MAP3K6: variants seen among roughly 807,000 people sequenced by gnomAD.
The protein encoded by MAP3K6 is mitogen-activated protein kinase kinase kinase 6, also known as apoptosis signal-regulating kinase 2.
MAP3K6 carries 105 observed loss-of-function variants against 147.1 expected under a neutral mutation model. That is an observed-to-expected ratio of 0.71 (90% CI 0.61 to 0.84). The LOEUF (loss-of-function observed/expected upper bound fraction) is 0.84. Among genes scored for constraint, MAP3K6 ranks in the 40% least tolerant of loss-of-function variants. The probability of loss-of-function intolerance (pLI) is 0.00; values close to 1 mark genes in which losing one functional copy is unlikely to be tolerated. For missense variants in MAP3K6, 1,569 were observed against 1,715.0 expected (o/e 0.91, Z 1.50); for synonymous variants, 695 against 732.4 (o/e 0.95, Z 0.82).
In MAP3K6 at chr1:27,359,825, A is replaced by T; in HGVS notation, c.2319+33T>A. The stretch of plus-strand genomic sequence containing the variant: ...CCATGTTTCCTTCCCCGCCACCCTC[A>T]GCAGATGAGGGCGGGCCAGCCCCAG... On this transcript the variant is annotated intron_variant, in intron 17 of 28. Transcript: ENST00000357582. This position sits in a 1 kb window ranked among gnomAD's most constrained non-coding sequence, Gnocchi z 4.4. 6.2e-7 allele frequency: 1 copy of T among 1,612,318 alleles called. No homozygotes were observed.
Position 27,356,402 on chromosome 1 carries a change from G to T in MAP3K6, c.3623C>A (p.Ala1208Asp). The change falls in exon 26 of 29, where the codon GCC becomes GAC. Residue 1208 changes from alanine (A) to aspartate (D), a missense_variant. Ala to Asp is a moderately radical substitution (Grantham distance 126). Coordinates refer to ENST00000357582, the MANE Select transcript of MAP3K6 (RefSeq NM_004672.5). ...LNEEARTYVL[A>D]PEPPTALSTD... ...GGCCCACTCACTTGGAGGCTCTGGGGCCAGGACATAGGTCCGGGCTTCCTC... is the reference window on the plus strand; with the variant it reads ...GGCCCACTCACTTGGAGGCTCTGGGTCCAGGACATAGGTCCGGGCTTCCTC... 2 of 1,610,298 alleles carry T rather than the reference G, an allele frequency of 1.2e-6. No homozygotes were observed. The highest frequency in any genetic ancestry group is 1.7e-6 in the Non-Finnish European group (2 of 1,178,360).
Position 27,362,135 on chromosome 1 carries a change from C to T in MAP3K6, c.1371G>A (p.Val457=). The T allele has an allele frequency of 6.2e-7, 1 of 1,613,700 alleles. No homozygotes were observed. The highest frequency in any genetic ancestry group is 8.5e-7 in the Non-Finnish European group (1 of 1,179,948). The change falls in exon 9 of 29, where the codon GTG becomes GTA. Residue 457 remains valine (V), a synonymous_variant. Coordinates refer to ENST00000357582, the MANE Select transcript of MAP3K6 (RefSeq NM_004672.5). ...TATACAGCTGCTCTGCAGCCAGCAC[C>T]ACCTGGGTGGGGTCATTGGCGAGGA... ...AQILANDPTQ[V]VLAAEQLYKL...
rs1209897668 is a variant in MAP3K6 at position 27,360,671 on chromosome 1, C to T, written c.2054+34G>A. 1 of 1,593,866 alleles carries T rather than the reference C, an allele frequency of 6.3e-7. No individual in the cohort carries two copies. The highest frequency in any genetic ancestry group is 8.5e-7 in the Non-Finnish European group (1 of 1,170,284). ...GCCCGGCTCACTCGGCCCTCGCGAGCCCTCAGCCCCACCCGCGCTGCCACG... is the reference window on the plus strand; with the variant it reads ...GCCCGGCTCACTCGGCCCTCGCGAGTCCTCAGCCCCACCCGCGCTGCCACG... On this transcript the variant is annotated intron_variant, in intron 15 of 28. Coordinates refer to ENST00000357582, the MANE Select transcript of MAP3K6 (RefSeq NM_004672.5). The surrounding 1 kb of genome is among the most constrained non-coding windows in gnomAD (Gnocchi z 4.5).
Position 27,359,605 on chromosome 1 carries a change from G to A in MAP3K6, c.2320-83C>T. The A allele has an allele frequency of 6.3e-7, 1 of 1,583,426 alleles. No individual in the cohort carries two copies. ...TCTTTCTGGGATCCCATCTCCTGGA[G>A]ATCCCAGCCTGGTCCTGCCTCTGTC... On this transcript the variant is annotated intron_variant, in intron 17 of 28. Transcript: ENST00000357582. This position sits in a 1 kb window ranked among gnomAD's most constrained non-coding sequence, Gnocchi z 4.4.
chr1:27,362,520 G>A (rs2015816418), intron 8 of MAP3K6, 121 bp downstream of exon 8: 1 of 847,398 alleles, frequency 1.2e-6, no homozygotes, highest in Non-Finnish European at 1.8e-6. Flanking sequence ...GGTATGGGCA[G>A]GACAGTCCAA....
At position 27,361,522 on chromosome 1, in the gene MAP3K6, G is replaced by A; in HGVS notation, c.1684C>T (p.Gln562Ter). 1 of 1,614,120 alleles carries A rather than the reference G, an allele frequency of 6.2e-7. No individual in the cohort carries two copies. Among genetic ancestry groups the A allele is most frequent in the Non-Finnish European group, 8.5e-7 (1 of 1,179,986 alleles). The change falls in exon 11 of 29, where the codon CAG becomes TAG. Residue 562 changes from glutamine to a stop codon, truncating the protein, a stop_gained and splice_region_variant. Coordinates refer to ENST00000357582, the MANE Select transcript of MAP3K6 (RefSeq NM_004672.5). LOFTEE classifies it high-confidence loss of function. ...VTLSLLEPET[Q>*]DIPSSWTFPV... ...AGGGGCCTCAGCAGCGACTTCACCT[G>A]GGTCTCAGGCTCCAGCAGGCTCAGG...
In MAP3K6 at chr1:27,366,496, G is replaced by A; in HGVS notation, c.102C>T (p.Pro34=). 8.9e-7 allele frequency: 1 copy of A among 1,127,336 alleles called. No homozygotes were observed. The highest frequency in any genetic ancestry group is 1.1e-6 in the Non-Finnish European group (1 of 922,050). The allele number at this position is 1,127,336 out of a possible 1,614,324, so 69.8% of individuals were successfully genotyped here. A position where few individuals can be genotyped will look rare whatever the true frequency, so the allele number is the denominator to read the frequency against. The part of the protein sequence containing the change: ...ALSRGRQLAA[P]PGRGCARSRP... ...GGCTCCGCGCGCAGCCCCGGCCCGG[G>A]GGCGCCGCGAGCTGCCGGCCCCGGC... Residue 34 remains proline (P), a synonymous_variant, in exon 1 of 29, where the codon CCC becomes CCT. Coordinates refer to ENST00000357582, the MANE Select transcript of MAP3K6 (RefSeq NM_004672.5). The surrounding 1 kb of genome is among the most constrained non-coding windows in gnomAD (Gnocchi z 5.5).
chr1:27,360,558 G>T lies in MAP3K6; in HGVS notation c.2054+147C>A. 2.9e-6 allele frequency: 4 copies of T among 1,386,874 alleles called. No individual in the cohort carries two copies. The highest frequency in any genetic ancestry group is 3.8e-6 in the Non-Finnish European group (4 of 1,047,298). 85.9% of individuals were successfully genotyped at this position (1,386,874 alleles called of 1,614,324 possible). Reference sequence around the variant, plus strand: ...CCGCCCGCACGGTCCTGGCTGTTCCGCCCACGGGCCCAGTCCACAGGGCTC... The same window carrying T: ...CCGCCCGCACGGTCCTGGCTGTTCCTCCCACGGGCCCAGTCCACAGGGCTC... On this transcript the variant is annotated intron_variant, in intron 15 of 28. Transcript: ENST00000357582. The surrounding 1 kb of genome is among the most constrained non-coding windows in gnomAD (Gnocchi z 4.5).
At chr1:27,363,412 C>T in intron 6 of MAP3K6, 30 bp downstream of exon 6, 1 of 1,579,772 alleles carries the variant, frequency 6.3e-7, no homozygotes, top group Non-Finnish European at 8.6e-7. Context: ...CTTTATGTGG[C>T]TATGACCTAA....
At position 27,358,574 on chromosome 1, in the gene MAP3K6, G is replaced by T; in HGVS notation, c.2621C>A (p.Ser874Tyr). ...AAAGGCTTGGGCCTCGGCCGACAGAGAGCTGGGCATTGGCGGATGGACCTT... is the reference window on the plus strand; with the variant it reads ...AAAGGCTTGGGCCTCGGCCGACAGATAGCTGGGCATTGGCGGATGGACCTT... ...MYKVHPPMPS[S>Y]LSAEAQAFLL... The change falls in exon 20 of 29, where the codon TCT becomes TAT. Residue 874 changes from serine to tyrosine, a missense_variant. Transcript: ENST00000357582. The surrounding 1 kb of genome is among the most constrained non-coding windows in gnomAD (Gnocchi z 6.2). 6.2e-7 allele frequency: 1 copy of T among 1,613,468 alleles called. No individual in the cohort carries two copies. Among genetic ancestry groups the T allele is most frequent in the Non-Finnish European group, 8.5e-7 (1 of 1,179,808 alleles).
Position 27,360,682 on chromosome 1 carries a change from A to T in MAP3K6, c.2054+23T>A, listed in dbSNP as rs536677922. ...TCGGCCCTCGCGAGCCCTCAGCCCC[A>T]CCCGCGCTGCCACGCACCGCACCTG... On this transcript the variant is annotated intron_variant, in intron 15 of 28. Transcript: ENST00000357582. The surrounding 1 kb of genome is among the most constrained non-coding windows in gnomAD (Gnocchi z 4.5). The T allele has an allele frequency of 6.3e-7, 1 of 1,597,220 alleles. No individual in the cohort carries two copies. The highest frequency in any genetic ancestry group is 8.5e-7 in the Non-Finnish European group (1 of 1,172,638).
rs1386778119 is a variant in MAP3K6, at chr1:27,366,299, T to A, written c.299A>T (p.Glu100Val). Residue 100 changes from glutamate to valine, a missense_variant, in exon 1 of 29, where the codon GAG becomes GTG. Physicochemically the swap from Glu to Val is moderately radical, Grantham distance 121. Coordinates refer to ENST00000357582, the MANE Select transcript of MAP3K6 (RefSeq NM_004672.5). This position sits in a 1 kb window ranked among gnomAD's most constrained non-coding sequence, Gnocchi z 5.5. The part of the protein sequence containing the change: ...QLRSLPFGTL[E>V]LGDTAALDAF... Reference sequence around the variant, plus strand: ...ATCCAGAGCCGCGGTGTCGCCTAGCTCCAGCGTCCCGAAGGGCAGGCTGCG... The same window carrying A: ...ATCCAGAGCCGCGGTGTCGCCTAGCACCAGCGTCCCGAAGGGCAGGCTGCG... 5 of 1,330,692 alleles carry A rather than the reference T, an allele frequency of 3.8e-6. No individual in the cohort carries two copies. Among genetic ancestry groups the A allele is most frequent in the Non-Finnish European group, 4.8e-6 (5 of 1,041,508 alleles). 82.4% of individuals were successfully genotyped at this position (1,330,692 alleles called of 1,614,324 possible).
chr1:27,361,521 T>G lies in MAP3K6; in HGVS notation c.1685A>C (p.Gln562Pro). The G allele has an allele frequency of 6.2e-7, 1 of 1,614,130 alleles. No homozygotes were observed. The highest frequency in any genetic ancestry group is 8.5e-7 in the Non-Finnish European group (1 of 1,180,008). ...VTLSLLEPET[Q>P]DIPSSWTFPV... The stretch of plus-strand genomic sequence containing the variant: ...GAGGGGCCTCAGCAGCGACTTCACC[T>G]GGGTCTCAGGCTCCAGCAGGCTCAG... Residue 562 changes from glutamine to proline, a missense_variant and splice_region_variant, in exon 11 of 29, where the codon CAG becomes CCG. Physicochemically the swap from Gln to Pro is moderately conservative, Grantham distance 76. Transcript: ENST00000357582.
chr1:27,355,800 G>A, intron 27 of MAP3K6, 55 bp from the exon 28 acceptor site: 1 of 1,529,346 alleles, frequency 6.5e-7, no homozygotes, highest in Non-Finnish European at 9.1e-7. Flanking sequence ...ACAGAAAGAT[G>A]TGTCGAGACC....
Position 27,357,873 on chromosome 1 carries a change from CA to C in MAP3K6, c.2918del (p.Val973GlyfsTer19). On this transcript the variant is annotated frameshift_variant and splice_region_variant, in exon 22 of 29. Coordinates refer to ENST00000357582, the MANE Select transcript of MAP3K6 (RefSeq NM_004672.5). LOFTEE classifies it high-confidence loss of function. ...GCTCCTCGGCCGCAGGCTCCTCGGGCACCCTGGGCACAAGGGCGAGCTGCTG... is the reference window on the plus strand; with the variant it reads ...GCTCCTCGGCCGCAGGCTCCTCGGGCCCCTGGGCACAAGGGCGAGCTGCTG... Reference protein sequence around the residue: ...LSYGGTSQLRVPEEPAAEEPA... With the variant: ...LSYGGTSQLRXPEEPAAEEPA... 1 of 1,588,460 alleles carries C rather than the reference CA, an allele frequency of 6.3e-7. No individual in the cohort carries two copies. The highest frequency in any genetic ancestry group is 8.5e-7 in the Non-Finnish European group (1 of 1,172,852).
intron 22 of MAP3K6, 64 bp from the exon 23 acceptor site, chr1:27,357,640 AG>A: frequency 6.3e-7 from 1 of 1,587,770 alleles, no homozygotes. Flanking sequence ...CCGCGGAGGT[AG>A]GGGGCGGGGA....
Position 27,364,219 on chromosome 1 carries a change from G to A in MAP3K6, c.680C>T (p.Thr227Ile). ...CCTTCATTACCAAGAGTCTGTGGGT[G>A]TGGCCTCCAGCAGGCGGGCAAGCCG... ...VGRLARLLEA[T>I]PTDSCGYFRE... is the part of the protein sequence containing the mutation. The change falls in exon 4 of 29, where the codon ACA becomes ATA. Residue 227 changes from threonine to isoleucine, a missense_variant. By Grantham distance (89) the Thr-to-Ile change is moderately conservative. Coordinates refer to ENST00000357582, the MANE Select transcript of MAP3K6 (RefSeq NM_004672.5). This position sits in a 1 kb window ranked among gnomAD's most constrained non-coding sequence, Gnocchi z 4.4. 6.2e-7 allele frequency: 1 copy of A among 1,612,008 alleles called. No homozygotes were observed. Among genetic ancestry groups the A allele is most frequent in the Non-Finnish European group, 8.5e-7 (1 of 1,179,850 alleles).
In MAP3K6 at chr1:27,364,772, C is replaced by A. The variant is rs776717126; in HGVS notation, c.480+1G>T. ...GCCTCCACCAGCCCCAGGCCACCTA[C>A]CCGCAGGGCCTGCAGGTCAGGGAGG... On this transcript the variant is annotated splice_donor_variant, in intron 2 of 28. Coordinates refer to ENST00000357582, the MANE Select transcript of MAP3K6 (RefSeq NM_004672.5). LOFTEE classifies it high-confidence loss of function. This position sits in a 1 kb window ranked among gnomAD's most constrained non-coding sequence, Gnocchi z 4.4. The A allele has an allele frequency of 6.2e-7, 1 of 1,613,736 alleles. No homozygotes were observed. The highest frequency in any genetic ancestry group is 2.2e-5 in the East Asian group (1 of 44,866).
intron 26 of MAP3K6, 63 bp downstream of exon 26, chr1:27,356,325 G>A (rs2015520110): frequency 7.0e-7 from 1 of 1,427,778 alleles, no homozygotes; most frequent in Admixed American, 2.2e-5. Flanking sequence ...GAGCCCAAGG[G>A]TGCCTTGTGC....
Sources: allele counts gnomAD v4.1 joint callset, GRCh38; gene constraint gnomAD v4.1.1; non-coding constraint Gnocchi (gnomAD v3.1); transcripts MANE v1.5; gene names NCBI Gene and HGNC (gene_info 2026-07-23, HGNC 2026-07-21).